INSRR: variants seen among roughly 807,000 people sequenced by gnomAD.
INSRR encodes insulin receptor-related protein.
In INSRR, 114 loss-of-function variants were observed where a neutral mutation model predicts 130.0. That is an observed-to-expected ratio of 0.88 (90% CI 0.75 to 1.02). The LOEUF (loss-of-function observed/expected upper bound fraction) is 1.02. Among genes scored for constraint, INSRR ranks in the 50% least tolerant of loss-of-function variants. The pLI, the probability that INSRR is intolerant of heterozygous loss-of-function variation, is 0.00. For synonymous variants in INSRR, 674 were observed against 705.2 expected, an observed-to-expected ratio of 0.96 and a Z score of 0.70; for missense variants, 1,657 against 1,735.2, an observed-to-expected ratio of 0.95 and a Z score of 0.80.
At chr1:156,853,703 G>T in intron 2 of INSRR, 49 bp downstream of exon 2, 1 of 1,539,270 alleles carries the variant, frequency 6.5e-7, no homozygotes. Flanking sequence ...AGCCCCATGT[G>T]ACCCTGCTCT....
At position 156,843,234 on chromosome 1, in the gene INSRR, C is replaced by G. The variant is rs1330276853; in HGVS notation, c.2897-1G>C. 1.2e-6 allele frequency: 2 copies of G among 1,613,844 alleles called. No homozygotes were observed. Among genetic ancestry groups the G allele is most frequent in the Non-Finnish European group, 1.7e-6 (2 of 1,179,766 alleles). On this transcript the variant is annotated splice_acceptor_variant, in intron 16 of 21. Coordinates refer to ENST00000368195, the MANE Select transcript of INSRR (RefSeq NM_014215.3). LOFTEE classifies it high-confidence loss of function. ...ACCTCCCATTCATCAGGGACATACACTGCAAGGAGGTGGAGGGTCACAAAG... is the reference window on the plus strand; with the variant it reads ...ACCTCCCATTCATCAGGGACATACAGTGCAAGGAGGTGGAGGGTCACAAAG...
chr1:156,857,545 C>T (rs1269555996), intron 1 of INSRR, among the ~76,000 whole-genome samples: 2 of 152,336 alleles, frequency 1.3e-5, no homozygotes, highest in East Asian at 3.9e-4. Flanking sequence ...ACACTCCCAG[C>T]TGGCATCTGC....
chr1:156,841,089 G>T lies in INSRR; in HGVS notation c.3678C>A (p.Ser1226Arg). 1 of 1,561,956 alleles carries T rather than the reference G, an allele frequency of 6.4e-7. No individual in the cohort carries two copies. Among genetic ancestry groups the T allele is most frequent in the Non-Finnish European group, 8.7e-7 (1 of 1,152,988 alleles). ...GCPLQLQELM[S>R]RCWQPNPRLR... Reference sequence around the variant, plus strand: ...GGCGTGGGTTCGGCTGCCAGCAGCGGCTCATCAGCTCCTGCCTGGTGGGTG... The same window carrying T: ...GGCGTGGGTTCGGCTGCCAGCAGCGTCTCATCAGCTCCTGCCTGGTGGGTG... Residue 1226 changes from serine to arginine, a missense_variant, in exon 22 of 22, where the codon AGC becomes AGA. Physicochemically the swap from Ser to Arg is moderately radical, Grantham distance 110. Coordinates refer to ENST00000368195, the MANE Select transcript of INSRR (RefSeq NM_014215.3).
At chr1:156,852,298 C>T in intron 2 of INSRR, 107 bp from the exon 3 acceptor site, 1 of 1,098,132 alleles carries the variant, frequency 9.1e-7, no homozygotes, top group Non-Finnish European at 1.3e-6. Context: ...TCAATCTGCA[C>T]CCAGGTCCCT....
Position 156,845,043 on chromosome 1 carries a change from T to C in INSRR, c.2437+33A>G, listed in dbSNP as rs563376930. Reference sequence around the variant, plus strand: ...TGCACAGGGTCCTTGGGGTCGGTGATGGGGGTAGAAGGTGTGTGTGTGGAT... The same window carrying C: ...TGCACAGGGTCCTTGGGGTCGGTGACGGGGGTAGAAGGTGTGTGTGTGGAT... On this transcript the variant is annotated intron_variant, in intron 12 of 21. Coordinates refer to ENST00000368195, the MANE Select transcript of INSRR (RefSeq NM_014215.3). 4.4e-6 allele frequency: 7 copies of C among 1,577,072 alleles called. No homozygotes were observed. The South Asian group carries it at 6.8e-5, about 15-fold the overall frequency.
intron 5 of INSRR, among the ~76,000 whole-genome samples, 162 bp from the exon 6 acceptor site, chr1:156,849,622 A>C (rs1655134935): frequency 6.6e-6 from 1 of 151,910 alleles, no homozygotes; most frequent in Admixed American, 6.6e-5. Flanking sequence ...GTGCATACCC[A>C]CTCTGTGCCA....
chr1:156,843,318 G>C, intron 16 of INSRR, 85 bp from the exon 17 acceptor site: 1 of 1,561,130 alleles, frequency 6.4e-7, no homozygotes, highest in Non-Finnish European at 8.8e-7. Context: ...TCTTCTGAAG[G>C]GCTCTTGTCC....
chr1:156,856,473 A>G (rs1380578675), intron 1 of INSRR, among the ~76,000 whole-genome samples: 1 of 152,206 alleles, frequency 6.6e-6, no homozygotes. Context: ...CTGACATTGT[A>G]GGGTGTAGAT....
chr1:156,844,220 A>C lies in INSRR; in HGVS notation c.2798T>G (p.Leu933Arg), dbSNP rs767911715. Residue 933 changes from leucine to arginine, a missense_variant, in exon 15 of 22, where the codon CTG becomes CGG. By Grantham distance (102) the Leu-to-Arg change is moderately radical. Coordinates refer to ENST00000368195, the MANE Select transcript of INSRR (RefSeq NM_014215.3). ...ACCAAGGGCAGCAAGAACGATGAGC[A>C]GCGTGAGCCCCACAGGGGTGGCAGT... ...LLTATPVGLT[L>R]LIVLAALGFF... is the part of the protein sequence containing the mutation. 9 of 1,614,026 alleles carry C rather than the reference A, an allele frequency of 5.6e-6. No homozygotes were observed. The South Asian group carries it at 9.9e-5, about 18-fold the overall frequency.
In INSRR at chr1:156,842,285, T is replaced by C. The variant is rs189837619; in HGVS notation, c.3238-14A>G. 55 of 1,613,848 alleles carry C rather than the reference T, an allele frequency of 3.4e-5. No individual in the cohort carries two copies. The African/African-American group carries it at 6.1e-4, about 18-fold the overall frequency. On this transcript the variant is annotated splice_polypyrimidine_tract_variant and intron_variant, in intron 18 of 21. Coordinates refer to ENST00000368195, the MANE Select transcript of INSRR (RefSeq NM_014215.3). ...CCCAGGGTTGTTCTAGAGCCAAGATTGGGGGCTGGTGAGGAAGGAACCCAG... is the reference window on the plus strand; with the variant it reads ...CCCAGGGTTGTTCTAGAGCCAAGATCGGGGGCTGGTGAGGAAGGAACCCAG...
rs781352538 is a variant in INSRR at position 156,846,672 on chromosome 1, T to G, written c.1657A>C (p.Ser553Arg). ...WNLLDVELPL[S>R]RTQEPGVTLA... The stretch of plus-strand genomic sequence containing the variant: ...GTCACCCCTGGCTCCTGGGTGCGGC[T>G]TAGGGGCAGCTCCACATCCAGCAGG... The change falls in exon 8 of 22, where the codon AGC becomes CGC. Residue 553 changes from serine to arginine, a missense_variant. By Grantham distance (110) the Ser-to-Arg change is moderately radical. Coordinates refer to ENST00000368195, the MANE Select transcript of INSRR (RefSeq NM_014215.3). 5.0e-6 allele frequency: 8 copies of G among 1,614,060 alleles called. No homozygotes were observed. The Admixed American group carries it at 1.2e-4, about 24-fold the overall frequency.
intron 15 of INSRR, among the ~76,000 whole-genome samples, chr1:156,843,822 T>A (rs1654889023): frequency 6.6e-6 from 1 of 152,226 alleles, no homozygotes; most frequent in African/African-American, 2.4e-5. Flanking sequence ...CCAGGCCTCC[T>A]GCTTCTTCTC....
In INSRR at chr1:156,858,782, G is replaced by GA; in HGVS notation, c.-162dup. 2 of 624,660 alleles carry GA rather than the reference G, an allele frequency of 3.2e-6. No individual in the cohort carries two copies. Among genetic ancestry groups the GA allele is most frequent in the Non-Finnish European group, 5.7e-6 (2 of 350,294 alleles). The allele number at this position is 624,660 out of a possible 1,614,324, so 38.7% of individuals were successfully genotyped here. Reference sequence around the variant, plus strand: ...TCCCACACAGAGACAGCAGGAGACAGAAAAAAAGAAATGAGAGTCACAGAG... The same window carrying GA: ...TCCCACACAGAGACAGCAGGAGACAGAAAAAAAAGAAATGAGAGTCACAGAG... On this transcript the variant is annotated 5_prime_UTR_variant, in exon 1 of 22. It removes the in-frame stop codon of an upstream open reading frame in the 5' UTR. Transcript: ENST00000368195.
intron 2 of INSRR, among the ~76,000 whole-genome samples, chr1:156,852,494 A>C (rs146303663): frequency 6.6e-6 from 1 of 152,140 alleles, no homozygotes; most frequent in Non-Finnish European, 1.5e-5. Flanking sequence ...TGTCTATCCT[A>C]TCTAGGCCTG....
rs1299691974 is a variant in INSRR at position 156,851,649 on chromosome 1, C to T, written c.1081G>A (p.Gly361Ser). ...EGSLILNLRQ[G>S]YNLEPQLQHS... ...TGGCCCCAAAGTAGGTACTGACAGC[C>T]CTGGCGAAGGTTGAGGATGAGGCTT... Residue 361 changes from glycine to serine, a missense_variant, in exon 4 of 22, where the codon GGC becomes AGC. Transcript: ENST00000368195. 3 of 1,614,152 alleles carry T rather than the reference C, an allele frequency of 1.9e-6. No individual in the cohort carries two copies. Among genetic ancestry groups the T allele is most frequent in the South Asian group, 1.1e-5 (1 of 91,082 alleles).
intron 1 of INSRR, among the ~76,000 whole-genome samples, chr1:156,857,109 C>A (rs888970443): frequency 6.6e-6 from 1 of 151,184 alleles, no homozygotes; most frequent in African/African-American, 2.4e-5. Context: ...TACTTCACAT[C>A]TTCTCCCTGT....
At chr1:156,842,562 C>T (rs1571656711) in intron 17 of INSRR, 54 bp from the exon 18 acceptor site, 1 of 1,406,596 alleles carries the variant, frequency 7.1e-7, no homozygotes, top group Middle Eastern at 1.8e-4. Flanking sequence ...ACCCATTTGG[C>T]CAAAATTCTG....
At chr1:156,845,030 T>G (rs764687354) in intron 12 of INSRR, 46 bp downstream of exon 12, 62 of 1,566,874 alleles carry the variant, frequency 4.0e-5, no homozygotes, top group Non-Finnish European at 5.2e-5. Flanking sequence ...CACAGGGTCC[T>G]TGGGGTCGGT....
At chr1:156,848,459 T>C (rs891549933) in intron 7 of INSRR, among the ~76,000 whole-genome samples, 5 of 152,196 alleles carry the variant, frequency 3.3e-5, no homozygotes, top group Non-Finnish European at 7.4e-5. Flanking sequence ...TTAGGGTCAG[T>C]TGACTCTCTC....
Sources: allele counts gnomAD v4.1 joint callset (sites outside exome capture counted in the v4.1 genomes callset), GRCh38; gene constraint gnomAD v4.1.1; transcripts MANE v1.5; gene names NCBI Gene and HGNC (gene_info 2026-07-23, HGNC 2026-07-21).